Variants in MVB12B observed in about 807,000 individuals in gnomAD.
MVB12B encodes the protein ESCRT-I complex subunit MVB12B.
In MVB12B, 16 loss-of-function variants were observed where a neutral mutation model predicts 41.6. That is an observed-to-expected ratio of 0.38 (90% CI 0.26 to 0.58). The LOEUF (loss-of-function observed/expected upper bound fraction) is 0.58. Ranked by LOEUF, MVB12B falls within the 20% of genes least tolerant of loss-of-function variation. The pLI is 0.62. For synonymous variants in MVB12B, 133 were observed against 139.7 expected, an observed-to-expected ratio of 0.95 and a Z score of 0.34; for missense variants, 274 against 380.2, an observed-to-expected ratio of 0.72 and a Z score of 2.32.
chr9:126,493,214 A>G (rs1833770347), intron 9 of MVB12B, among the ~76,000 whole-genome samples: 1 of 152,214 alleles, frequency 6.6e-6, no homozygotes, highest in African/African-American at 2.4e-5. Flanking sequence ...AATATTAAAT[A>G]CTTTTCAACT....
chr9:126,489,679 G>T (rs1210616367), intron 9 of MVB12B, among the ~76,000 whole-genome samples: 1 of 152,210 alleles, frequency 6.6e-6, no homozygotes, highest in Non-Finnish European at 1.5e-5. Context: ...GGCTCCCCAT[G>T]ACAGAGCAGT....
At chr9:126,464,174 A>G (rs575565902) in intron 7 of MVB12B, among the ~76,000 whole-genome samples, 1 of 152,188 alleles carries the variant, frequency 6.6e-6, no homozygotes, top group Admixed American at 6.5e-5. Context: ...ATCCAGGCAG[A>G]TGATCGGAGC....
intron 7 of MVB12B, among the ~76,000 whole-genome samples, chr9:126,442,129 C>T (rs1388482379): frequency 6.6e-6 from 1 of 152,174 alleles, no homozygotes; most frequent in Non-Finnish European, 1.5e-5. Flanking sequence ...TTTAACAATT[C>T]TGAATTTTGG....
At position 126,488,366 on chromosome 9, in the gene MVB12B, T is replaced by A. The variant is rs7875008; in HGVS notation, c.873+4334T>A. Among the ~76,000 whole-genome samples the A allele has an allele frequency of 2.8e-3, 243 of 87,576 alleles. 7 individuals carry two copies. The highest frequency in any genetic ancestry group is 0.021 in the East Asian group (26 of 1,238). 57.5% of individuals were successfully genotyped at this position (87,576 alleles called of 152,430 possible). A position where few individuals can be genotyped will look rare whatever the true frequency, so the allele number is the denominator to read the frequency against. ...AACCAAAAAAAAAAAAAAAAAAAAA[T>A]AGAGTAAATACAAGTGGGAGACTGC... On this transcript the variant is annotated intron_variant, in intron 9 of 9. Coordinates refer to ENST00000361171, the MANE Select transcript of MVB12B (RefSeq NM_033446.3).
At chr9:126,407,574 T>C (rs1397737262) in intron 6 of MVB12B, among the ~76,000 whole-genome samples, 3 of 152,164 alleles carry the variant, frequency 2.0e-5, no homozygotes, top group Admixed American at 6.5e-5. Context: ...AAATTGGCCT[T>C]GTTGGTGGCA....
At chr9:126,500,890 C>T (rs1006457588) in intron 9 of MVB12B, among the ~76,000 whole-genome samples, 4 of 152,276 alleles carry the variant, frequency 2.6e-5, no homozygotes, top group Non-Finnish European at 5.9e-5. Context: ...CCCCACGCCC[C>T]GTGCATGTGC....
chr9:126,425,227 G>A (rs1033661510), intron 7 of MVB12B, among the ~76,000 whole-genome samples: 2 of 152,178 alleles, frequency 1.3e-5, no homozygotes, highest in African/African-American at 4.8e-5. Context: ...GTGCTATTAT[G>A]ATGGCCTTTG....
At chr9:126,335,640 A>T (rs975484367) in intron 1 of MVB12B, among the ~76,000 whole-genome samples, 1 of 152,216 alleles carries the variant, frequency 6.6e-6, no homozygotes. Flanking sequence ...GACCCTTTCT[A>T]TGAAGGCCGG....
At chr9:126,458,735 C>G (rs559863787) in intron 7 of MVB12B, among the ~76,000 whole-genome samples, 1 of 152,096 alleles carries the variant, frequency 6.6e-6, no homozygotes, top group African/African-American at 2.4e-5. Context: ...ACCAGAGTCC[C>G]TTGAAAAAAT....
At chr9:126,407,329 A>C (rs1241431467) in intron 6 of MVB12B, among the ~76,000 whole-genome samples, 2 of 152,082 alleles carry the variant, frequency 1.3e-5, no homozygotes, top group Non-Finnish European at 2.9e-5. Flanking sequence ...CTTGTACAAC[A>C]GCCAAAAGCC....
chr9:126,424,427 G>A (rs1430413346), intron 7 of MVB12B, among the ~76,000 whole-genome samples: 1 of 152,210 alleles, frequency 6.6e-6, no homozygotes, highest in Non-Finnish European at 1.5e-5. Flanking sequence ...AGGAAGAGAC[G>A]AAGGGAATCA....
intron 2 of MVB12B, among the ~76,000 whole-genome samples, chr9:126,341,694 C>T (rs528637038): frequency 8.8e-4 from 134 of 152,306 alleles, no homozygotes; most frequent in African/African-American, 3.2e-3. Flanking sequence ...TCCTGTGCAT[C>T]GTATGATGTT....
intron 7 of MVB12B, among the ~76,000 whole-genome samples, chr9:126,474,607 C>T (rs183224193): frequency 6.6e-6 from 1 of 152,332 alleles, no homozygotes; most frequent in Admixed American, 6.5e-5. Context: ...CTGTCTGCGT[C>T]TAGCCCCTTA....
At position 126,458,405 on chromosome 9, in the gene MVB12B, G is replaced by A. The variant is rs554338590; in HGVS notation, c.758-22964G>A. Among the ~76,000 whole-genome samples the A allele has an allele frequency of 2.0e-5, 3 of 152,254 alleles. No individual in the cohort carries two copies. The East Asian group carries it at 5.8e-4, about 29-fold the overall frequency. On this transcript the variant is annotated intron_variant, in intron 7 of 9. Transcript: ENST00000361171. Reference sequence around the variant, plus strand: ...CGGGGGCCTCTGGGCTGCTCCTTTTGGGGGGCTTTCTGACCCCTGGCCGGA... The same window carrying A: ...CGGGGGCCTCTGGGCTGCTCCTTTTAGGGGGCTTTCTGACCCCTGGCCGGA...
rs146806428 is a variant in MVB12B at position 126,493,093 on chromosome 9, C to G, written c.873+9061C>G. Among the ~76,000 whole-genome samples, 3 of 152,174 alleles carry G rather than the reference C, an allele frequency of 2.0e-5. No individual in the cohort carries two copies. In the East Asian group the frequency reaches 5.8e-4, roughly 29 times the overall value. On this transcript the variant is annotated intron_variant, in intron 9 of 9. Coordinates refer to ENST00000361171, the MANE Select transcript of MVB12B (RefSeq NM_033446.3). ...CTTGTAAATGATGTGTTCTGCTATA[C>G]AAAAGTTTCAAAATGTTCGTGGGCA...
chr9:126,355,472 C>A (rs1399280900), intron 2 of MVB12B, among the ~76,000 whole-genome samples: 7 of 152,230 alleles, frequency 4.6e-5, no homozygotes, highest in African/African-American at 1.7e-4. Flanking sequence ...GCAAATCATG[C>A]CCTTAACATT....
In MVB12B at chr9:126,495,450, A is replaced by C. The variant is rs115176259; in HGVS notation, c.874-7727A>C. ...TTCTCCCATTTTTGTTTTGAAATAC[A>C]TAGTTTTCTCTATCTTTCATTTTCC... On this transcript the variant is annotated intron_variant, in intron 9 of 9. Coordinates refer to ENST00000361171, the MANE Select transcript of MVB12B (RefSeq NM_033446.3). Among the ~76,000 whole-genome samples the C allele has an allele frequency of 1.3e-5, 2 of 152,334 alleles. 1 individual carries two copies. Among genetic ancestry groups the C allele is most frequent in the South Asian group, 4.1e-4 (2 of 4,832 alleles).
chr9:126,448,392 G>C (rs1333401658), intron 7 of MVB12B: 1 of 152,242 alleles, frequency 6.6e-6, no homozygotes, highest in East Asian at 1.9e-4. Flanking sequence ...TGTTATTAAA[G>C]AGCTGATTGT....
intron 6 of MVB12B, among the ~76,000 whole-genome samples, chr9:126,412,694 G>C (rs891170977): frequency 1.3e-5 from 2 of 152,162 alleles, no homozygotes; most frequent in Non-Finnish European, 2.9e-5. Flanking sequence ...GGCTTCTGTC[G>C]TCAATACCGT....
Sources: allele counts gnomAD v4.1 joint callset (sites outside exome capture counted in the v4.1 genomes callset), GRCh38; gene constraint gnomAD v4.1.1; transcripts MANE v1.5; gene names NCBI Gene and HGNC (gene_info 2026-07-23, HGNC 2026-07-21).